COBL: variants seen among roughly 807,000 people sequenced by gnomAD.
COBL encodes the protein protein cordon-bleu.
A neutral mutation model predicts 98.8 loss-of-function variants in COBL; 51 were observed. The ratio of observed to expected loss-of-function variants is 0.52; its 90% confidence interval spans 0.41 to 0.65. The LOEUF (loss-of-function observed/expected upper bound fraction) is 0.65. COBL is among the 30% of genes least tolerant of loss of function. The pLI, the probability that COBL is intolerant of heterozygous loss-of-function variation, is 0.00. For synonymous variants in COBL, 634 were observed against 651.7 expected, an observed-to-expected ratio of 0.97 and a Z score of 0.41; for missense variants, 1,617 against 1,617.5, an observed-to-expected ratio of 1.00 and a Z score of 0.01.
intron 2 of COBL, among the ~76,000 whole-genome samples, chr7:51,197,910 T>C (rs1790744714): frequency 1.3e-5 from 2 of 152,246 alleles, no homozygotes; most frequent in South Asian, 4.1e-4. Flanking sequence ...CGTGTGTCAC[T>C]GCATGTAAGA....
rs878860579 is a variant in COBL, at chr7:51,027,722, C to T, written c.3374G>A (p.Arg1125Lys). The change falls in exon 10 of 13, where the codon AGA (arginine) becomes AAA (lysine). Residue 1125 changes from arginine (R) to lysine (K), a missense_variant. This residue lies in a region of COBL where 1,304 missense variants were observed against 1,282.0 expected (regional missense o/e 1.02). Transcript: ENST00000265136. ...AGCCGCCATCCTCACCTTGCGTAGT[C>T]TGTCCTTCCCTCCCGCAGAGTGGAT... is the stretch of plus-strand genomic sequence containing the variant. ...EAIHSAGGKD[R>K]LRKTAEHTGE... The T allele has an allele frequency of 1.2e-6, 2 of 1,612,538 alleles. No homozygotes were observed. The highest frequency in any genetic ancestry group is 2.2e-5 in the South Asian group (2 of 90,768).
chr7:51,018,721 C>T (rs1308861652), intron 12 of COBL, among the ~76,000 whole-genome samples: 3 of 150,590 alleles, frequency 2.0e-5, no homozygotes, highest in Non-Finnish European at 4.4e-5. Context: ...GGAGAAATCC[C>T]GTCTCTACTA....
intron 1 of COBL, among the ~76,000 whole-genome samples, chr7:51,290,888 C>T (rs776803085): frequency 1.2e-4 from 18 of 152,240 alleles, no homozygotes; most frequent in African/African-American, 3.9e-4. Flanking sequence ...CCCTTCCCTC[C>T]GGCTGGTGTC....
intron 1 of COBL, among the ~76,000 whole-genome samples, chr7:51,235,282 T>C (rs980174983): frequency 6.6e-6 from 1 of 152,160 alleles, no homozygotes; most frequent in Non-Finnish European, 1.5e-5. Flanking sequence ...GGACGGGCGA[T>C]TCCTTGATGT....
chr7:51,194,976 A>C (rs773269378), intron 2 of COBL, among the ~76,000 whole-genome samples: 38 of 151,478 alleles, frequency 2.5e-4, no homozygotes, highest in Non-Finnish European at 4.7e-4. Context: ...TTATCTGTTT[A>C]CTCTGTTGAT....
At chr7:51,270,058 T>C (rs913109938) in intron 1 of COBL, among the ~76,000 whole-genome samples, 1 of 152,214 alleles carries the variant, frequency 6.6e-6, no homozygotes, top group African/African-American at 2.4e-5. Flanking sequence ...CCTATTTATA[T>C]GCCCTGAAAT....
intron 1 of COBL, among the ~76,000 whole-genome samples, chr7:51,265,123 C>A (rs916985976): frequency 3.3e-5 from 5 of 152,212 alleles, no homozygotes; most frequent in Non-Finnish European, 7.3e-5. Context: ...AAAGTCTACA[C>A]AGCAGAACCT....
At position 51,142,379 on chromosome 7, in the gene COBL, T is replaced by C. The variant is rs1799846850; in HGVS notation, c.784-6048A>G. Among the ~76,000 whole-genome samples, 5 of 137,204 alleles carry C rather than the reference T, an allele frequency of 3.6e-5. No homozygotes were observed. The Admixed American group carries it at 4.1e-4, about 11-fold the overall frequency. The allele number at this position is 137,204 out of a possible 152,430, so 90.0% of individuals were successfully genotyped here. A position where few individuals can be genotyped will look rare whatever the true frequency, so the allele number is the denominator to read the frequency against. ...GCAAACAAAGAGTATCCAACTGGTA[T>C]TTGATTTTTTTTTTTTTTTTTTTTT... On this transcript the variant is annotated intron_variant, in intron 5 of 12. Transcript: ENST00000265136.
chr7:51,075,145 G>A (rs1294232959), intron 7 of COBL, among the ~76,000 whole-genome samples: 1 of 152,168 alleles, frequency 6.6e-6, no homozygotes, highest in Non-Finnish European at 1.5e-5. Flanking sequence ...TTGGAAAATG[G>A]ATGTACAACT....
At chr7:51,199,350 T>C (rs1790906152) in intron 2 of COBL, among the ~76,000 whole-genome samples, 1 of 152,206 alleles carries the variant, frequency 6.6e-6, no homozygotes, top group South Asian at 2.1e-4. Flanking sequence ...AAAACCAGTC[T>C]GTAAAGACTG....
chr7:51,131,930 G>A (rs1053518336), intron 6 of COBL, among the ~76,000 whole-genome samples: 8 of 152,172 alleles, frequency 5.3e-5, no homozygotes, highest in African/African-American at 7.2e-5. Context: ...GACTGAAAGG[G>A]ATGAGCAACT....
At chr7:51,032,993 G>A (rs1163360381) in intron 8 of COBL, 1 of 152,094 alleles carries the variant, frequency 6.6e-6, no homozygotes, top group Admixed American at 6.5e-5. Flanking sequence ...TTACTTCAAA[G>A]TATTTGCCTT....
chr7:51,223,721 C>T lies in COBL; in HGVS notation c.42-3777G>A, dbSNP rs549966470. 1.4e-4 allele frequency among the ~76,000 whole-genome samples: 22 copies of T among 152,304 alleles called. No individual in the cohort carries two copies. The South Asian group carries it at 4.4e-3, about 30-fold the overall frequency. On this transcript the variant is annotated intron_variant, in intron 1 of 12. Transcript: ENST00000265136. ...AGAACCCATTTCTGGGTGCTCCAGG[C>T]CTGGGCACACACATAGCTGAGATCA...
At chr7:51,297,830 G>C (rs570214513) in intron 1 of COBL, among the ~76,000 whole-genome samples, 2 of 152,290 alleles carry the variant, frequency 1.3e-5, no homozygotes, top group East Asian at 1.9e-4. Flanking sequence ...CCTCTTCAGA[G>C]GCCACTCGAT....
rs569951430 is a variant in COBL at position 51,018,586 on chromosome 7, C to T, written c.3769-1018G>A. On this transcript the variant is annotated intron_variant, in intron 12 of 12. Transcript: ENST00000265136. ...CTTTAAATGTATCCCAATACAAATT[C>T]GTCAACTTTCTTAAAACATTATGAG... 6.6e-5 allele frequency among the ~76,000 whole-genome samples: 10 copies of T among 151,980 alleles called. No individual in the cohort carries two copies. The East Asian group carries it at 9.7e-4, about 15-fold the overall frequency.
chr7:51,025,353 T>G lies in COBL; in HGVS notation c.3524A>C (p.Glu1175Ala), dbSNP rs546157122. The G allele has an allele frequency of 6.2e-7, 1 of 1,613,274 alleles. No homozygotes were observed. Among genetic ancestry groups the G allele is most frequent in the East Asian group, 2.2e-5 (1 of 44,848 alleles). The change falls in exon 12 of 13, where the codon GAG becomes GCG. Residue 1175 changes from glutamate (E) to alanine (A), a missense_variant. By Grantham distance (107) the Glu-to-Ala change is moderately radical. Coordinates refer to ENST00000265136, the MANE Select transcript of COBL (RefSeq NM_015198.5). ...GGCATCTCGGAAGCTCTGGAGCTCC[T>G]CAGAAGCAGAGGATGCCACCTGGCA... is the stretch of plus-strand genomic sequence containing the variant. ...SLRKVASSASEELQSFRDAAL... is the reference protein window; with the variant it reads ...SLRKVASSASAELQSFRDAAL...
Position 51,016,931 on chromosome 7 carries a change from T to G in COBL, c.*620A>C, listed in dbSNP as rs1786337985. ...TAATAGTTGATTTTTAAAAGCTTAG[T>G]TGGTCAGATCATGGACTGTGACCCT... On this transcript the variant is annotated 3_prime_UTR_variant, in exon 13 of 13. Transcript: ENST00000265136. 2.5e-6 allele frequency: 1 copy of G among 399,576 alleles called. No homozygotes were observed. Among genetic ancestry groups the G allele is most frequent in the Non-Finnish European group, 4.4e-6 (1 of 226,772 alleles). The allele number at this position is 399,576 out of a possible 1,614,324, so 24.8% of individuals were successfully genotyped here.
intron 6 of COBL, among the ~76,000 whole-genome samples, chr7:51,135,204 C>T (rs1459252792): frequency 1.3e-5 from 2 of 152,238 alleles, no homozygotes; most frequent in Non-Finnish European, 2.9e-5. Context: ...CTCAGGTGAT[C>T]CTCCTGCCTT....
At chr7:51,115,297 A>T (rs1797172674) in intron 6 of COBL, among the ~76,000 whole-genome samples, 1 of 151,760 alleles carries the variant, frequency 6.6e-6, no homozygotes. Context: ...TTTTATTTTT[A>T]TTATATCTCT....
Sources: gnomAD v4.1 joint callset for allele counts (sites outside exome capture counted in the v4.1 genomes callset) on GRCh38, gnomAD v4.1.1 for gene constraint, gnomAD v4.1.1 regional missense constraint, MANE v1.5 for transcripts, NCBI Gene and HGNC (gene_info 2026-07-23, HGNC 2026-07-21) for gene names.